Variants in AFF3 observed in about 807,000 individuals in gnomAD.
The protein encoded by AFF3 is ALF transcription elongation factor 3, also known as AF4/FMR2 family member 3.
AFF3 carries 32 observed loss-of-function variants against 129.7 expected under a neutral mutation model. The ratio of observed to expected loss-of-function variants is 0.25; its 90% CI spans 0.19 to 0.33. The LOEUF (loss-of-function observed/expected upper bound fraction) is 0.33, where lower values mean the gene tolerates loss of function less well. Among genes scored for constraint, AFF3 ranks in the 10% least tolerant of loss-of-function variants. The probability of loss-of-function intolerance (pLI) is 1.00; values close to 1 mark genes in which losing one functional copy is unlikely to be tolerated. For missense variants in AFF3, 1,373 were observed against 1,592.0 expected (o/e 0.86, Z 2.34); for synonymous variants, 644 against 635.4 (o/e 1.01, Z -0.20).
intron 1 of AFF3, among the ~76,000 whole-genome samples, chr2:100,135,922 T>C (rs1026345823): frequency 4.6e-5 from 7 of 151,998 alleles, no homozygotes; most frequent in Non-Finnish European, 8.8e-5. Context: ...TTCTGGATGA[T>C]TTCAAAGAAC....
At chr2:99,834,577 C>A (rs1189690523) in intron 8 of AFF3, among the ~76,000 whole-genome samples, 1 of 152,208 alleles carries the variant, frequency 6.6e-6, no homozygotes, top group Admixed American at 6.5e-5. Flanking sequence ...CTTCTGCCCC[C>A]TCTACTCCAC....
At chr2:100,107,533 G>C (rs1691357572) in intron 2 of AFF3, 1 of 983,484 alleles carries the variant, frequency 1.0e-6, no homozygotes. Flanking sequence ...CTTAGCTTTT[G>C]CTCATCCTAT....
intron 2 of AFF3, among the ~76,000 whole-genome samples, chr2:100,121,986 C>CG (rs1214639852): frequency 1.3e-5 from 2 of 152,190 alleles, no homozygotes; most frequent in Admixed American, 1.3e-4. Flanking sequence ...GGCGTGAACC[C>CG]GGGAAGCGGA....
At chr2:100,055,587 G>A (rs1484344247) in intron 4 of AFF3, among the ~76,000 whole-genome samples, 2 of 152,170 alleles carry the variant, frequency 1.3e-5, no homozygotes, top group Non-Finnish European at 2.9e-5. Flanking sequence ...TGCTTTAGGT[G>A]ATTCTAATGT....
chr2:99,987,420 G>C (rs559413887), intron 7 of AFF3, among the ~76,000 whole-genome samples: 1 of 152,170 alleles, frequency 6.6e-6, no homozygotes, highest in Non-Finnish European at 1.5e-5. Flanking sequence ...TTAAGCTAAC[G>C]TTAGTTTAGA....
At chr2:100,025,013 A>G (rs1683922714) in intron 4 of AFF3, among the ~76,000 whole-genome samples, 2 of 152,172 alleles carry the variant, frequency 1.3e-5, no homozygotes, top group African/African-American at 4.8e-5. Flanking sequence ...AAAAATATCG[A>G]CAGTGTAAGT....
At chr2:99,895,719 T>C (rs1576299400) in intron 7 of AFF3, among the ~76,000 whole-genome samples, 1 of 151,824 alleles carries the variant, frequency 6.6e-6, no homozygotes, top group African/African-American at 2.4e-5. Flanking sequence ...AGTACTGAAC[T>C]GAAGAAGGGA....
chr2:99,632,907 T>C (rs1182108185), intron 13 of AFF3, among the ~76,000 whole-genome samples: 1 of 152,086 alleles, frequency 6.6e-6, no homozygotes, highest in East Asian at 1.9e-4. Context: ...TTGAAAGAAG[T>C]CACCAGCCAC....
rs540132491 is a variant in AFF3 at position 100,119,721 on chromosome 2, C to T, written c.-145+9503G>A. ...TTTACAGGGAAGAAAGTGTGGTTTACAGGGGACAAACTATTTAATCTGAGG... is the reference window on the plus strand; with the variant it reads ...TTTACAGGGAAGAAAGTGTGGTTTATAGGGGACAAACTATTTAATCTGAGG... On this transcript the variant is annotated intron_variant, in intron 2 of 24. Coordinates refer to ENST00000672756, the MANE Select transcript of AFF3 (RefSeq NM_001386135.1). Among the ~76,000 whole-genome samples the T allele has an allele frequency of 3.3e-5, 5 of 152,236 alleles. No homozygotes were observed. In the South Asian group the frequency reaches 8.3e-4, roughly 25 times the overall value.
chr2:99,607,481 G>A (rs926837529), intron 13 of AFF3, among the ~76,000 whole-genome samples: 31 of 151,660 alleles, frequency 2.0e-4, no homozygotes, highest in Admixed American at 9.2e-4. Flanking sequence ...ACAGTGAGCC[G>A]AGATTGTGCC....
intron 12 of AFF3, among the ~76,000 whole-genome samples, chr2:99,662,645 C>T (rs962629880): frequency 6.6e-6 from 1 of 152,046 alleles, no homozygotes; most frequent in Non-Finnish European, 1.5e-5. Flanking sequence ...CAGTTTTTTG[C>T]AAAAACTGTC....
chr2:99,633,642 C>T lies in AFF3; in HGVS notation c.1184+15984G>A, dbSNP rs532077103. 5.9e-5 allele frequency among the ~76,000 whole-genome samples: 9 copies of T among 152,224 alleles called. No homozygotes were observed. The South Asian group carries it at 8.3e-4, about 14-fold the overall frequency. On this transcript the variant is annotated intron_variant, in intron 13 of 24. Transcript: ENST00000672756. ...GGATCCCTCATGAAAGGCTCGGTGC[C>T]GTCCTCCCAGAAGGGAGTGAGTTCT... is the stretch of plus-strand genomic sequence containing the variant.
In AFF3 at chr2:100,006,986, T is replaced by C; in HGVS notation, c.519A>G (p.Gly173=). Residue 173 remains glycine, a synonymous_variant, in exon 7 of 25, where the codon GGA becomes GGG. Coordinates refer to ENST00000672756, the MANE Select transcript of AFF3 (RefSeq NM_001386135.1). ...TQQGSLRTLL[G]DGVGRQQPRA... is the part of the protein sequence containing the mutation. Reference sequence around the variant, plus strand: ...GAGGCTGCTGTCTGCCAACACCATCTCCAAGCAAGGTCCTGAGAGAGCCCT... The same window carrying C: ...GAGGCTGCTGTCTGCCAACACCATCCCCAAGCAAGGTCCTGAGAGAGCCCT... 6.2e-7 allele frequency: 1 copy of C among 1,612,384 alleles called. No homozygotes were observed. The highest frequency in any genetic ancestry group is 8.5e-7 in the Non-Finnish European group (1 of 1,178,874).
intron 4 of AFF3, among the ~76,000 whole-genome samples, chr2:100,026,475 T>C (rs778828422): frequency 8.5e-5 from 13 of 152,122 alleles, no homozygotes; most frequent in Non-Finnish European, 1.8e-4. Context: ...ACAGCCACTA[T>C]AGAAAACAGT....
intron 12 of AFF3, among the ~76,000 whole-genome samples, chr2:99,666,105 G>T (rs1001718130): frequency 5.3e-5 from 8 of 152,196 alleles, no homozygotes; most frequent in Admixed American, 4.6e-4. Flanking sequence ...GATGAGTGAA[G>T]ATGGAAGCAG....
intron 4 of AFF3, among the ~76,000 whole-genome samples, chr2:100,014,286 T>A (rs1559057577): frequency 6.6e-6 from 1 of 151,800 alleles, no homozygotes; most frequent in African/African-American, 2.4e-5. Context: ...TTGTGGGGAG[T>A]CTAAGAAATA....
At chr2:99,640,822 T>C (rs1684126509) in intron 13 of AFF3, among the ~76,000 whole-genome samples, 1 of 152,236 alleles carries the variant, frequency 6.6e-6, no homozygotes, top group Non-Finnish European at 1.5e-5. Context: ...AAGCTGGGCC[T>C]ATGCCAGGAA....
In AFF3 at chr2:99,762,125, CTTTTTTT is replaced by C. The variant is rs113479774; in HGVS notation, c.922-9831_922-9825del. ...CTCCACTTATATATAATCAATGCCA[CTTTTTTT>C]TTTTTTTTTTCAGATGGAGTCTCGC... On this transcript the variant is annotated intron_variant, in intron 8 of 24. Coordinates refer to ENST00000672756, the MANE Select transcript of AFF3 (RefSeq NM_001386135.1). 3.3e-3 allele frequency among the ~76,000 whole-genome samples: 457 copies of C among 138,170 alleles called. 3 individuals are homozygous for C. Among genetic ancestry groups the C allele is most frequent in the African/African-American group, 0.012 (431 of 37,054 alleles). 90.6% of individuals were successfully genotyped at this position (138,170 alleles called of 152,430 possible).
intron 11 of AFF3, among the ~76,000 whole-genome samples, chr2:99,695,938 G>GAAAAAAAAAAAAAAAAAAAAACCACAAAA (rs1676184919): frequency 1.7e-5 from 1 of 57,648 alleles, no homozygotes; most frequent in Admixed American, 2.7e-4. Flanking sequence ...CTGGAAAAAT[G>GAAAAAAAAAAAAAAAAAAAAACCACAAAA]AAAAAAAAAA....
Sources: allele counts gnomAD v4.1 joint callset (sites outside exome capture counted in the v4.1 genomes callset), GRCh38; gene constraint gnomAD v4.1.1; transcripts MANE v1.5; gene names NCBI Gene and HGNC (gene_info 2026-07-23, HGNC 2026-07-21).